Variants in EFCAB11 observed in about 807,000 individuals in gnomAD.
EFCAB11 encodes EF-hand calcium-binding domain-containing protein 11.
Under a neutral mutation model 23.0 loss-of-function variants are expected in EFCAB11, and 14 were observed. The ratio of observed to expected loss-of-function variants is 0.61; its 90% CI spans 0.40 to 0.95. The LOEUF (loss-of-function observed/expected upper bound fraction) is 0.95, where lower values mean the gene tolerates loss of function less well. Ranked by LOEUF, EFCAB11 falls within the 40% of genes least tolerant of loss-of-function variation. The pLI is 0.00. For missense variants in EFCAB11, 198 were observed against 195.8 expected, an observed-to-expected ratio of 1.01 and a Z score of -0.07; for synonymous variants, 65 against 66.6, an observed-to-expected ratio of 0.98 and a Z score of 0.11.
At chr14:89,875,402 G>C (rs1888404238) in intron 5 of EFCAB11, among the ~76,000 whole-genome samples, 3 of 152,130 alleles carry the variant, frequency 2.0e-5, no homozygotes, top group Non-Finnish European at 4.4e-5. Context: ...TGGGGACACA[G>C]CCAAACCATA....
At chr14:89,946,450 T>A (rs1416751384) in intron 3 of EFCAB11, among the ~76,000 whole-genome samples, 2 of 152,232 alleles carry the variant, frequency 1.3e-5, no homozygotes, top group Non-Finnish European at 2.9e-5. Flanking sequence ...TCCCTTTCAA[T>A]GGGGCTGTTG....
chr14:89,831,965 G>A (rs1886900857), intron 5 of EFCAB11, among the ~76,000 whole-genome samples: 1 of 152,140 alleles, frequency 6.6e-6, no homozygotes, highest in Non-Finnish European at 1.5e-5. Context: ...GAGAAAGAAG[G>A]CATGCAGAAA....
At chr14:89,950,208 T>C (rs1292426639) in intron 2 of EFCAB11, 66 bp from the exon 3 acceptor site, 1 of 1,464,996 alleles carries the variant, frequency 6.8e-7, no homozygotes, top group Non-Finnish European at 9.2e-7. Context: ...AAGTTCTTAA[T>C]TCTTCAGGTG....
intron 3 of EFCAB11, among the ~76,000 whole-genome samples, chr14:89,935,568 T>C (rs535024864): frequency 6.6e-6 from 1 of 152,226 alleles, no homozygotes; most frequent in South Asian, 2.1e-4. Flanking sequence ...TATGCCACCA[T>C]GCCAGGCTTA....
chr14:89,825,795 A>G (rs1001184192), intron 5 of EFCAB11, among the ~76,000 whole-genome samples: 1 of 152,232 alleles, frequency 6.6e-6, no homozygotes, highest in Non-Finnish European at 1.5e-5. Context: ...ATGTGAAGCA[A>G]GTATGGCCAT....
At position 89,796,090 on chromosome 14, in the gene EFCAB11, C is replaced by G. The variant is rs1336164058; in HGVS notation, c.*1153G>C. ...GCTTGCTTCTCCACAGTGAGACTCC[C>G]AAGCCTAGACCATCCTAAAGGGTTC... On this transcript the variant is annotated 3_prime_UTR_variant, in exon 6 of 6. Transcript: ENST00000316738. 1 of 152,350 alleles carries G rather than the reference C, an allele frequency of 6.6e-6. No homozygotes were observed. The highest frequency in any genetic ancestry group is 1.9e-4 in the East Asian group (1 of 5,190). The allele number at this position is 152,350 out of a possible 1,614,324, so 9.4% of individuals were successfully genotyped here. A position where few individuals can be genotyped will look rare whatever the true frequency, so the allele number is the denominator to read the frequency against.
chr14:89,909,877 G>A (rs1218652454), intron 5 of EFCAB11, among the ~76,000 whole-genome samples: 1 of 152,162 alleles, frequency 6.6e-6, no homozygotes, highest in Non-Finnish European at 1.5e-5. Flanking sequence ...TGGCTAAGGC[G>A]AAGTCAGGCA....
intron 3 of EFCAB11, among the ~76,000 whole-genome samples, chr14:89,935,090 C>T (rs1016633131): frequency 6.6e-6 from 1 of 152,210 alleles, no homozygotes; most frequent in Non-Finnish European, 1.5e-5. Context: ...CAGGCATCAT[C>T]TCCTGTTTGA....
intron 5 of EFCAB11, among the ~76,000 whole-genome samples, chr14:89,824,366 T>G (rs1396516225): frequency 6.6e-6 from 1 of 152,056 alleles, no homozygotes; most frequent in South Asian, 2.1e-4. Flanking sequence ...CAGCAGACAT[T>G]AAATTTAAGG....
At chr14:89,913,958 G>A (rs1889757419) in intron 5 of EFCAB11, among the ~76,000 whole-genome samples, 1 of 152,134 alleles carries the variant, frequency 6.6e-6, no homozygotes, top group Admixed American at 6.5e-5. Context: ...ATTCATCTTT[G>A]TATGCCGGAG....
chr14:89,941,076 T>C (rs2139828242), intron 3 of EFCAB11, among the ~76,000 whole-genome samples: 1 of 152,354 alleles, frequency 6.6e-6, no homozygotes, highest in African/African-American at 2.4e-5. Context: ...CTGCATTTAT[T>C]GAACAGCTCA....
At chr14:89,933,214 C>T (rs1349993250) in intron 3 of EFCAB11, among the ~76,000 whole-genome samples, 5 of 152,184 alleles carry the variant, frequency 3.3e-5, no homozygotes, top group South Asian at 2.1e-4. Context: ...CAGCTTCCTG[C>T]GACTCTCATC....
At chr14:89,953,545 T>C (rs1018494886) in intron 2 of EFCAB11, among the ~76,000 whole-genome samples, 18 of 152,234 alleles carry the variant, frequency 1.2e-4, no homozygotes, top group African/African-American at 4.3e-4. Context: ...GGATGTATTT[T>C]ATAAACAAAG....
Position 89,814,065 on chromosome 14 carries a change from G to A in EFCAB11, c.411-16741C>T, listed in dbSNP as rs577746500. On this transcript the variant is annotated intron_variant, in intron 5 of 5. Coordinates refer to ENST00000316738, the MANE Select transcript of EFCAB11 (RefSeq NM_145231.4). ...AAGTTTTACTGAAAATAGCTCCCTG[G>A]GGGGAGAAAAAAAAAACTAACCTTT... Among the ~76,000 whole-genome samples, 41 of 141,254 alleles carry A rather than the reference G, an allele frequency of 2.9e-4. No homozygotes were observed. In the South Asian group the frequency reaches 9.4e-3, roughly 33 times the overall value. 92.7% of individuals were successfully genotyped at this position (141,254 alleles called of 152,430 possible). A position where few individuals can be genotyped will look rare whatever the true frequency, so the allele number is the denominator to read the frequency against.
intron 5 of EFCAB11, among the ~76,000 whole-genome samples, chr14:89,852,921 A>G (rs1316233914): frequency 1.3e-5 from 2 of 151,920 alleles, no homozygotes; most frequent in African/African-American, 2.4e-5. Context: ...TTGAACCCCA[A>G]CTCGACATTC....
At chr14:89,916,156 GAA>G (rs10569453) in intron 5 of EFCAB11, among the ~76,000 whole-genome samples, 14,069 of 138,854 alleles carry the variant, frequency 0.1, 1,722 homozygotes, top group African/African-American at 0.29. Context: ...GAATGGCTCA[GAA>G]AAAAAAAAAA....
chr14:89,938,916 G>C lies in EFCAB11; in HGVS notation c.218-6289C>G, dbSNP rs866914680. ...ACCGCGCCACTGCACTCCAGCCTGG[G>C]CAACAAGAGCAAAACTCCATTTCAA... is the stretch of plus-strand genomic sequence containing the variant. On this transcript the variant is annotated intron_variant, in intron 3 of 5. Transcript: ENST00000316738. Among the ~76,000 whole-genome samples the C allele has an allele frequency of 2.7e-5, 4 of 145,832 alleles. 1 individual carries two copies. The highest frequency in any genetic ancestry group is 1.4e-4 in the Admixed American group (2 of 14,128).
chr14:89,921,281 A>C (rs938176179), intron 5 of EFCAB11, among the ~76,000 whole-genome samples: 1 of 152,154 alleles, frequency 6.6e-6, no homozygotes, highest in African/African-American at 2.4e-5. Context: ...GGGGACATGC[A>C]AAAAAGGCAC....
At chr14:89,800,469 C>T (rs1237555815) in intron 5 of EFCAB11, among the ~76,000 whole-genome samples, 3 of 152,152 alleles carry the variant, frequency 2.0e-5, no homozygotes, top group African/African-American at 7.2e-5. Context: ...ACACTGGGTA[C>T]ACATGGTCTA....
Sources: gnomAD v4.1 joint callset for allele counts (sites outside exome capture counted in the v4.1 genomes callset) on GRCh38, gnomAD v4.1.1 for gene constraint, MANE v1.5 for transcripts, NCBI Gene and HGNC (gene_info 2026-07-23, HGNC 2026-07-21) for gene names.